The following LOC128092253 variants were observed in gnomAD, a reference collection of about 807,000 sequenced individuals.
the LOC128092253 span, among the ~76,000 whole-genome samples, chr6:133,972,204 T>TA: frequency 3.9e-5 from 6 of 152,274 alleles, no homozygotes; most frequent in South Asian, 2.1e-4. Context: ...TCTACATCTC[T>TA]AAAAAAAGTC....
the LOC128092253 span, among the ~76,000 whole-genome samples, chr6:133,965,076 A>T: frequency 3.3e-5 from 5 of 152,354 alleles, 1 homozygote; most frequent in South Asian, 1.0e-3. Context: ...TTATGAGAAG[A>T]TTTATTCAGT....
the LOC128092253 span, among the ~76,000 whole-genome samples, chr6:133,954,837 A>G: frequency 1.3e-5 from 2 of 151,998 alleles, no homozygotes; most frequent in African/African-American, 4.8e-5. Flanking sequence ...AACTCTAGTG[A>G]CCTATTACTA....
At chr6:133,974,934 T>C in the LOC128092253 span, among the ~76,000 whole-genome samples, 1 of 152,218 alleles carries the variant, frequency 6.6e-6, no homozygotes, top group African/African-American at 2.4e-5. Context: ...TGAAAACACA[T>C]ATCCAACTTC....
the LOC128092253 span, among the ~76,000 whole-genome samples, chr6:133,954,875 C>T: frequency 6.6e-6 from 1 of 152,236 alleles, no homozygotes; most frequent in African/African-American, 2.4e-5. Flanking sequence ...TGGCTTGTTC[C>T]TGAATGAGGG....
At chr6:133,962,153 G>A in the LOC128092253 span, among the ~76,000 whole-genome samples, 1 of 152,136 alleles carries the variant, frequency 6.6e-6, no homozygotes, top group African/African-American at 2.4e-5. Flanking sequence ...GTTGGAAGTG[G>A]AAGATTAGGT....
the LOC128092253 span, among the ~76,000 whole-genome samples, chr6:133,955,647 T>G: frequency 1.3e-5 from 2 of 152,174 alleles, no homozygotes; most frequent in Admixed American, 1.3e-4. Flanking sequence ...TAAGGTATAT[T>G]AAAATTTTTG....
the LOC128092253 span, among the ~76,000 whole-genome samples, chr6:133,961,556 C>T: frequency 3.3e-5 from 5 of 151,276 alleles, no homozygotes; most frequent in Non-Finnish European, 7.4e-5. Flanking sequence ...GCAACCTCCG[C>T]CTCCCGAGTT....
chr6:133,968,267 T>A, the LOC128092253 span, among the ~76,000 whole-genome samples: 1 of 152,158 alleles, frequency 6.6e-6, no homozygotes, highest in South Asian at 2.1e-4. Context: ...TCTTATATAA[T>A]CAGAAAATGA....
the LOC128092253 span, among the ~76,000 whole-genome samples, chr6:133,960,017 G>A: frequency 6.6e-6 from 1 of 152,160 alleles, no homozygotes; most frequent in Non-Finnish European, 1.5e-5. Flanking sequence ...GATGCTTCTG[G>A]TGAGCCGCAA....
chr6:133,971,684 G>A, the LOC128092253 span, among the ~76,000 whole-genome samples: 97 of 152,026 alleles, frequency 6.4e-4, no homozygotes, highest in Middle Eastern at 6.8e-3. Flanking sequence ...CTTATGATAC[G>A]TGATGTTGAA....
the LOC128092253 span, among the ~76,000 whole-genome samples, chr6:133,970,117 G>T: frequency 1.9e-3 from 286 of 152,252 alleles, no homozygotes; most frequent in Non-Finnish European, 3.3e-3. Flanking sequence ...TAAGTATCTG[G>T]TTTTTTGTGT....
the LOC128092253 span, among the ~76,000 whole-genome samples, chr6:133,959,113 C>G: frequency 3.2e-3 from 493 of 152,184 alleles, 3 homozygotes; most frequent in African/African-American, 0.011. Flanking sequence ...CATCTCAGCT[C>G]ATTGCAACTT....
the LOC128092253 span, among the ~76,000 whole-genome samples, chr6:133,978,599 C>T: frequency 3.3e-5 from 5 of 152,006 alleles, no homozygotes; most frequent in African/African-American, 1.2e-4. Context: ...CAAACATGCA[C>T]AAATAACAGA....
the LOC128092253 span, among the ~76,000 whole-genome samples, chr6:133,977,777 A>AC: frequency 6.8e-6 from 1 of 147,316 alleles, no homozygotes; most frequent in African/African-American, 2.6e-5. Flanking sequence ...TCACAGCGTC[A>AC]GGGGCCAGGC....
At chr6:133,973,197 G>A in the LOC128092253 span, among the ~76,000 whole-genome samples, 1 of 152,140 alleles carries the variant, frequency 6.6e-6, no homozygotes, top group African/African-American at 2.4e-5. Flanking sequence ...ACTTTGAATG[G>A]CCTGTCTTTC....
chr6:133,963,267 A>G, the LOC128092253 span, among the ~76,000 whole-genome samples: 6 of 152,220 alleles, frequency 3.9e-5, no homozygotes, highest in African/African-American at 1.4e-4. Context: ...TAATTACCCT[A>G]TGATGGTGTT....
the LOC128092253 span, among the ~76,000 whole-genome samples, chr6:133,969,838 T>C: frequency 6.6e-6 from 1 of 152,236 alleles, no homozygotes; most frequent in African/African-American, 2.4e-5. Context: ...GAATTGATGA[T>C]AATTTATCTA....
At chr6:133,978,034 G>A in the LOC128092253 span, among the ~76,000 whole-genome samples, 3 of 152,130 alleles carry the variant, frequency 2.0e-5, no homozygotes, top group Non-Finnish European at 4.4e-5. Flanking sequence ...ACCAGTTGTT[G>A]CCAGGGAGGC....
the LOC128092253 span, chr6:133,980,070 T>A: frequency 2.1e-6 from 3 of 1,400,206 alleles, no homozygotes; most frequent in Non-Finnish European, 2.8e-6. Context: ...TTTATTTTGT[T>A]TTATTTCTCA....
Sources: gnomAD v4.1 joint callset for allele counts (sites outside exome capture counted in the v4.1 genomes callset) on GRCh38, gnomAD v4.1.1 for gene constraint, MANE v1.5 for transcripts.